The following EXOC6B variants were observed in gnomAD, a reference collection of about 807,000 sequenced individuals.
EXOC6B encodes the protein exocyst complex component 6B.
A neutral mutation model predicts 113.5 loss-of-function variants in EXOC6B; 54 were observed. The observed-to-expected ratio is 0.48, with a 90% CI of 0.38 to 0.60. The LOEUF (loss-of-function observed/expected upper bound fraction) is 0.60. Ranked by LOEUF, EXOC6B falls within the 20% of genes least tolerant of loss-of-function variation. EXOC6B has a pLI of 0.00. For synonymous variants in EXOC6B, 357 were observed against 339.0 expected (o/e 1.05, Z -0.58); for missense variants, 797 against 977.5 (o/e 0.82, Z 2.46).
At chr2:72,524,655 G>A (rs993891928) in intron 8 of EXOC6B, among the ~76,000 whole-genome samples, 3 of 152,130 alleles carry the variant, frequency 2.0e-5, no homozygotes, top group African/African-American at 7.2e-5. Flanking sequence ...TGCTTGAAAG[G>A]ATGGATACCC....
At position 72,178,863 on chromosome 2, in the gene EXOC6B, AAT is replaced by A. The variant is rs1677906341; in HGVS notation, c.*470_*471del. The A allele has an allele frequency of 6.4e-6, 1 of 155,496 alleles. No homozygotes were observed. Among genetic ancestry groups the A allele is most frequent in the African/African-American group, 2.4e-5 (1 of 41,598 alleles). The allele number at this position is 155,496 out of a possible 1,614,324, so 9.6% of individuals were successfully genotyped here. On this transcript the variant is annotated 3_prime_UTR_variant, in exon 22 of 22. Transcript: ENST00000272427. Reference sequence around the variant, plus strand: ...AGCTGCCCTTAGTGTACTAAATAGTAATGTTTGCCATGCCCTTTCCTTGTATT... The same window carrying A: ...AGCTGCCCTTAGTGTACTAAATAGTAGTTTGCCATGCCCTTTCCTTGTATT...
chr2:72,788,773 TG>T (rs1337445370), intron 1 of EXOC6B, among the ~76,000 whole-genome samples: 1 of 152,230 alleles, frequency 6.6e-6, no homozygotes, highest in African/African-American at 2.4e-5. Flanking sequence ...CACTCCAGCC[TG>T]GGCAACAGAG....
At chr2:72,628,726 C>T (rs2104250542) in intron 6 of EXOC6B, among the ~76,000 whole-genome samples, 1 of 152,196 alleles carries the variant, frequency 6.6e-6, no homozygotes, top group East Asian at 1.9e-4. Context: ...CTCACCAGAA[C>T]CCAACCATGC....
intron 19 of EXOC6B, among the ~76,000 whole-genome samples, chr2:72,349,320 G>A (rs1689516048): frequency 6.6e-6 from 1 of 152,024 alleles, no homozygotes; most frequent in African/African-American, 2.4e-5. Context: ...TATTTATAAC[G>A]AGCTCCTTTT....
At chr2:72,687,991 T>C (rs1306225560) in intron 6 of EXOC6B, among the ~76,000 whole-genome samples, 1 of 151,786 alleles carries the variant, frequency 6.6e-6, no homozygotes, top group East Asian at 1.9e-4. Context: ...ATTGTTGGGG[T>C]AATTTTACCA....
intron 20 of EXOC6B, among the ~76,000 whole-genome samples, chr2:72,255,672 T>A (rs906373558): frequency 2.0e-5 from 3 of 152,140 alleles, no homozygotes; most frequent in African/African-American, 7.2e-5. Flanking sequence ...GTTCCACAGG[T>A]AGAGAAGAAT....
At chr2:72,285,529 G>T (rs1458065710) in intron 20 of EXOC6B, among the ~76,000 whole-genome samples, 1 of 151,890 alleles carries the variant, frequency 6.6e-6, no homozygotes, top group Non-Finnish European at 1.5e-5. Context: ...AAACTATAAA[G>T]CTCATAGAAG....
intron 20 of EXOC6B, among the ~76,000 whole-genome samples, chr2:72,287,101 C>T (rs1031378550): frequency 2.6e-5 from 4 of 151,844 alleles, no homozygotes; most frequent in African/African-American, 4.8e-5. Context: ...ATTGCTGCTG[C>T]TGTTACTGCT....
At chr2:72,691,785 G>C (rs541758393) in intron 6 of EXOC6B, among the ~76,000 whole-genome samples, 3 of 150,646 alleles carry the variant, frequency 2.0e-5, no homozygotes, top group Non-Finnish European at 4.4e-5. Context: ...CAGTTCAAAC[G>C]ATTCTCCTGC....
chr2:72,712,248 AAT>A (rs765766012), intron 6 of EXOC6B, among the ~76,000 whole-genome samples: 31 of 152,220 alleles, frequency 2.0e-4, no homozygotes, highest in Non-Finnish European at 4.0e-4. Flanking sequence ...AGGCCAAAAT[AAT>A]AGAGTGTATT....
intron 6 of EXOC6B, among the ~76,000 whole-genome samples, chr2:72,651,665 G>A (rs1006122659): frequency 6.6e-6 from 1 of 152,110 alleles, no homozygotes; most frequent in Non-Finnish European, 1.5e-5. Context: ...TATCGCCCAG[G>A]CTGGACTGCA....
At chr2:72,317,744 G>A (rs1687607056) in intron 20 of EXOC6B, among the ~76,000 whole-genome samples, 1 of 151,996 alleles carries the variant, frequency 6.6e-6, no homozygotes, top group South Asian at 2.1e-4. Context: ...CATAGCCTTG[G>A]TGTACCAGTA....
intron 19 of EXOC6B, among the ~76,000 whole-genome samples, chr2:72,362,960 G>A (rs1385397459): frequency 6.6e-6 from 1 of 152,102 alleles, no homozygotes; most frequent in Non-Finnish European, 1.5e-5. Context: ...AGAAAGCTTA[G>A]GAAATTCCAA....
At chr2:72,682,543 G>A (rs370674221) in intron 6 of EXOC6B, among the ~76,000 whole-genome samples, 6 of 151,864 alleles carry the variant, frequency 4.0e-5, no homozygotes, top group African/African-American at 1.5e-4. Context: ...AATGAATTTC[G>A]AATGGAGCAA....
intron 18 of EXOC6B, among the ~76,000 whole-genome samples, chr2:72,458,352 T>C (rs1452274696): frequency 6.6e-6 from 1 of 152,154 alleles, no homozygotes; most frequent in Non-Finnish European, 1.5e-5. Context: ...TGTAGCATTC[T>C]AGGGAAGATA....
chr2:72,565,230 A>G (rs930527383), intron 7 of EXOC6B, among the ~76,000 whole-genome samples: 4 of 151,614 alleles, frequency 2.6e-5, no homozygotes, highest in Non-Finnish European at 5.9e-5. Context: ...ACATGCCTGT[A>G]CTCCCAGCTA....
At chr2:72,379,631 T>A in intron 19 of EXOC6B, 98 bp downstream of exon 19, 3 of 1,217,106 alleles carry the variant, frequency 2.5e-6, no homozygotes, top group Non-Finnish European at 3.4e-6. Flanking sequence ...TTTGACTGCA[T>A]TAGGAACAAG....
chr2:72,622,532 G>A (rs1383694093), intron 6 of EXOC6B, among the ~76,000 whole-genome samples: 1 of 152,028 alleles, frequency 6.6e-6, no homozygotes, highest in Non-Finnish European at 1.5e-5. Flanking sequence ...TGGGCAACAT[G>A]GCAAAACCCC....
intron 1 of EXOC6B, among the ~76,000 whole-genome samples, chr2:72,745,963 C>G (rs559285562): frequency 3.3e-5 from 5 of 152,156 alleles, no homozygotes; most frequent in African/African-American, 1.2e-4. Flanking sequence ...AGAAAGACTG[C>G]CATCTAGTGA....
Sources: allele counts gnomAD v4.1 joint callset (sites outside exome capture counted in the v4.1 genomes callset), GRCh38; gene constraint gnomAD v4.1.1; transcripts MANE v1.5; gene names NCBI Gene and HGNC (gene_info 2026-07-23, HGNC 2026-07-21).